Variants in GRIP1 observed in about 807,000 individuals in gnomAD.
GRIP1 encodes the protein glutamate receptor-interacting protein 1.
In GRIP1, 45 loss-of-function variants were observed where a neutral mutation model predicts 129.9. That is an observed-to-expected ratio of 0.35 (90% CI 0.27 to 0.44). The LOEUF is 0.44. Among genes scored for constraint, GRIP1 ranks in the 20% least tolerant of loss-of-function variants. GRIP1 has a pLI of 1.00. For synonymous variants in GRIP1, 530 were observed against 520.8 expected, an observed-to-expected ratio of 1.02 and a Z score of -0.24; for missense variants, 1,196 against 1,396.8, an observed-to-expected ratio of 0.86 and a Z score of 2.29.
At chr12:66,442,879 A>G (rs1423814773) in intron 13 of GRIP1, among the ~76,000 whole-genome samples, 2 of 152,174 alleles carry the variant, frequency 1.3e-5, no homozygotes, top group African/African-American at 4.8e-5. Flanking sequence ...CTGCTACAAT[A>G]CAAGCTTCAT....
chr12:66,358,878 C>T (rs559680090), intron 23 of GRIP1, among the ~76,000 whole-genome samples: 6 of 152,346 alleles, frequency 3.9e-5, no homozygotes, highest in African/African-American at 1.2e-4. Context: ...AATAGATTGA[C>T]ATTCTTCAGA....
At chr12:66,703,474 AG>A (rs936606756) in intron 1 of GRIP1, among the ~76,000 whole-genome samples, 53 of 152,172 alleles carry the variant, frequency 3.5e-4, no homozygotes, top group African/African-American at 1.0e-3. Context: ...ATCCGCTAGG[AG>A]GTGGAGGCAA....
rs1045888867 is a variant in GRIP1, at chr12:66,979,261, C to A, written c.58+89789G>T. 1.3e-4 allele frequency among the ~76,000 whole-genome samples: 7 copies of A among 52,240 alleles called. 1 individual carries two copies. The highest frequency in any genetic ancestry group is 2.8e-4 in the Non-Finnish European group (7 of 25,174). 34.3% of individuals were successfully genotyped at this position (52,240 alleles called of 152,430 possible). ...AAAAAAAAAAAAAAAAAAACAAGCC[C>A]GTCATCCTGCAAGTACCATTACCAC... On this transcript the variant is annotated intron_variant, in intron 1 of 1. Coordinates refer to the GRIP1 transcript ENST00000643019.
At chr12:66,928,951 C>T (rs572502738) in intron 1 of GRIP1, among the ~76,000 whole-genome samples, 3 of 152,280 alleles carry the variant, frequency 2.0e-5, no homozygotes, top group African/African-American at 7.2e-5. Flanking sequence ...GTGTACATCT[C>T]CAGACCATTA....
At chr12:66,567,701 T>G (rs2062816792) in intron 2 of GRIP1, 1 of 219,704 alleles carries the variant, frequency 4.6e-6, no homozygotes, top group South Asian at 8.0e-5. Flanking sequence ...TTGCATACAT[T>G]ACACCATTCC....
rs530327031 is a variant in GRIP1 at position 66,867,245 on chromosome 12, T to G, written c.58+201805A>C. On this transcript the variant is annotated intron_variant, in intron 1 of 1. Transcript: ENST00000643019. The stretch of plus-strand genomic sequence containing the variant: ...CTCAGGTGATCCGCCCGCCTCAGCC[T>G]CCCAAAGTGTTGGGATTACACATGT... Among the ~76,000 whole-genome samples, 109 of 152,262 alleles carry G rather than the reference T, an allele frequency of 7.2e-4. 1 individual carries two copies. Among genetic ancestry groups the G allele is most frequent in the African/African-American group, 2.3e-3 (97 of 41,566 alleles).
chr12:66,652,326 A>G (rs947118038), intron 1 of GRIP1, among the ~76,000 whole-genome samples: 2 of 152,120 alleles, frequency 1.3e-5, no homozygotes, highest in African/African-American at 2.4e-5. Context: ...TACACATGGC[A>G]GTTTCCCCTG....
chr12:66,745,051 T>A (rs2136578624), intron 1 of GRIP1, among the ~76,000 whole-genome samples: 1 of 152,236 alleles, frequency 6.6e-6, no homozygotes, highest in East Asian at 1.9e-4. Flanking sequence ...CTGATGGCCA[T>A]AACTGAAAGG....
intron 1 of GRIP1, among the ~76,000 whole-genome samples, chr12:66,934,851 T>C (rs892659912): frequency 6.6e-6 from 1 of 152,214 alleles, no homozygotes; most frequent in Non-Finnish European, 1.5e-5. Flanking sequence ...TTGTGAGATT[T>C]ACCCTGTGCC....
chr12:66,827,387 T>TGTGTGTGAGAGAGAGAGAGAGAGAGAGA (rs755458052), intron 1 of GRIP1, among the ~76,000 whole-genome samples: 2 of 108,292 alleles, frequency 1.8e-5, no homozygotes, highest in African/African-American at 7.2e-5. Context: ...TGTGTGTGTG[T>TGTGTGTGAGAGAGAGAGAGAGAGAGAGA]GAGAGAGAGA....
chr12:66,770,277 T>A (rs2037776000), intron 1 of GRIP1, among the ~76,000 whole-genome samples: 1 of 152,202 alleles, frequency 6.6e-6, no homozygotes, highest in South Asian at 2.1e-4. Context: ...AGCAGTCCTT[T>A]AGGACTGTCA....
intron 1 of GRIP1, among the ~76,000 whole-genome samples, chr12:66,820,054 A>T (rs2039291188): frequency 6.6e-6 from 1 of 152,184 alleles, no homozygotes. Flanking sequence ...TGAGGTTCTC[A>T]CAGTGAATAC....
intron 13 of GRIP1, among the ~76,000 whole-genome samples, chr12:66,444,055 A>G (rs567213136): frequency 6.6e-6 from 1 of 152,314 alleles, no homozygotes; most frequent in African/African-American, 2.4e-5. Flanking sequence ...TCGCCTCTAT[A>G]GTTGTGGCTA....
At chr12:66,930,895 A>T (rs2041383385) in intron 1 of GRIP1, among the ~76,000 whole-genome samples, 1 of 152,226 alleles carries the variant, frequency 6.6e-6, no homozygotes, top group African/African-American at 2.4e-5. Flanking sequence ...CTTAAAGCAA[A>T]GGGAAGATAC....
chr12:67,041,243 CATATATGCATATATACATGTGT>C (rs1187487427), intron 1 of GRIP1, among the ~76,000 whole-genome samples: 7 of 151,752 alleles, frequency 4.6e-5, no homozygotes, highest in Non-Finnish European at 1.0e-4. Flanking sequence ...CATGTATGCA[CATATATGCATATATACATGTGT>C]ATATATCCAT....
chr12:66,455,385 G>A, intron 11 of GRIP1, 24 bp downstream of exon 11: 2 of 1,611,656 alleles, frequency 1.2e-6, no homozygotes, highest in South Asian at 2.2e-5. Flanking sequence ...CAGGCCAAAT[G>A]CCATTGGCTG....
intron 1 of GRIP1, among the ~76,000 whole-genome samples, chr12:66,976,574 A>T (rs2042155023): frequency 6.6e-6 from 1 of 152,144 alleles, no homozygotes; most frequent in Admixed American, 6.6e-5. Context: ...CATGTATATC[A>T]TATCATATCA....
At chr12:66,492,083 ACAGT>A (rs1288429422) in intron 7 of GRIP1, among the ~76,000 whole-genome samples, 2 of 152,198 alleles carry the variant, frequency 1.3e-5, no homozygotes, top group Admixed American at 1.3e-4. Context: ...CTGGGAAGGA[ACAGT>A]CAGTCAGGAA....
intron 1 of GRIP1, among the ~76,000 whole-genome samples, chr12:67,013,251 G>A (rs2042735772): frequency 6.6e-6 from 1 of 152,136 alleles, no homozygotes. Flanking sequence ...TCAGAAGGGG[G>A]TTAAAAATTA....
Sources: allele counts gnomAD v4.1 joint callset (sites outside exome capture counted in the v4.1 genomes callset), GRCh38; gene constraint gnomAD v4.1.1; transcripts MANE v1.5; gene names NCBI Gene and HGNC (gene_info 2026-07-23, HGNC 2026-07-21).